NTAQ1: variants seen among roughly 807,000 people sequenced by gnomAD.
NTAQ1 encodes the protein N-terminal glutamine amidase 1.
Under a neutral mutation model 28.2 loss-of-function variants are expected in NTAQ1, and 21 were observed. The ratio of observed to expected loss-of-function variants is 0.74; its 90% CI spans 0.53 to 1.07. The LOEUF (loss-of-function observed/expected upper bound fraction) is 1.07. Ranked by LOEUF, NTAQ1 falls within the 50% of genes least tolerant of loss-of-function variation. The probability of loss-of-function intolerance (pLI) is 0.00; values close to 1 mark genes in which losing one functional copy is unlikely to be tolerated. For synonymous variants in NTAQ1, 105 were observed against 90.0 expected (o/e 1.17, Z -0.94); for missense variants, 264 against 256.6 (o/e 1.03, Z -0.20).
intron 1 of NTAQ1, among the ~76,000 whole-genome samples, chr8:123,427,633 G>A (rs764377420): frequency 6.6e-6 from 1 of 152,136 alleles, no homozygotes; most frequent in Non-Finnish European, 1.5e-5. Flanking sequence ...AAGTTGCTGG[G>A]CCCAAAACTC....
chr8:123,418,020 C>A (rs1813413064), intron 1 of NTAQ1, among the ~76,000 whole-genome samples: 1 of 152,170 alleles, frequency 6.6e-6, no homozygotes, highest in Admixed American at 6.6e-5. Flanking sequence ...AATGTCCAGT[C>A]ATTGTTTTAT....
chr8:123,432,620 A>G (rs1420519173), intron 3 of NTAQ1, among the ~76,000 whole-genome samples: 2 of 151,930 alleles, frequency 1.3e-5, no homozygotes, highest in Admixed American at 6.6e-5. Context: ...GGGCGATACA[A>G]TGAGACTTCA....
chr8:123,445,869 G>A (rs1053684842), downstream of NTAQ1, among the ~76,000 whole-genome samples: 2 of 151,976 alleles, frequency 1.3e-5, no homozygotes, highest in African/African-American at 4.8e-5. Flanking sequence ...GCCTCCCAAA[G>A]TGCTGGGATT....
intron 6 of NTAQ1, among the ~76,000 whole-genome samples, chr8:123,457,274 C>T (rs897432419): frequency 2.0e-5 from 3 of 152,008 alleles, no homozygotes; most frequent in South Asian, 2.1e-4. Context: ...CCCATGTTGA[C>T]GAGGCTGGTC....
At chr8:123,417,851 T>A (rs1460199081) in intron 1 of NTAQ1, among the ~76,000 whole-genome samples, 1 of 152,164 alleles carries the variant, frequency 6.6e-6, no homozygotes, top group Non-Finnish European at 1.5e-5. Context: ...ATAAAAAGAC[T>A]GAGCCACAGA....
intron 5 of NTAQ1, among the ~76,000 whole-genome samples, chr8:123,439,491 C>T (rs1212400041): frequency 6.6e-6 from 1 of 151,806 alleles, no homozygotes; most frequent in African/African-American, 2.4e-5. Flanking sequence ...TACAGGCGCC[C>T]GCCACCACAC....
chr8:123,461,026 G>A (rs1815808816), intron 6 of NTAQ1, among the ~76,000 whole-genome samples: 1 of 152,178 alleles, frequency 6.6e-6, no homozygotes, highest in Non-Finnish European at 1.5e-5. Context: ...GTGTATGGAT[G>A]CTGTCAATCC....
At chr8:123,473,452 C>A (rs182835598), downstream of NTAQ1, among the ~76,000 whole-genome samples, 37 of 152,232 alleles carry the variant, frequency 2.4e-4, no homozygotes, top group Non-Finnish European at 1.5e-5. Flanking sequence ...CATGCCACCA[C>A]ACCTGGCTAA....
chr8:123,456,683 TAAATG>T (rs1815659290), intron 6 of NTAQ1, among the ~76,000 whole-genome samples: 1 of 152,232 alleles, frequency 6.6e-6, no homozygotes, highest in African/African-American at 2.4e-5. Flanking sequence ...AACTGTCACT[TAAATG>T]AGATCCTTTT....
chr8:123,447,873 A>G lies in NTAQ1; in HGVS notation c.*83-174A>G, dbSNP rs561496490. On this transcript the variant is annotated intron_variant, in intron 6 of 6. Transcript: ENST00000524254. ...TTGCTGTCCCTTGTTCTACAGCAAC[A>G]GAGCTGTGACTGGTGTGTGGCTGCT... Among the ~76,000 whole-genome samples, 28 of 152,336 alleles carry G rather than the reference A, an allele frequency of 1.8e-4. No homozygotes were observed. The South Asian group carries it at 5.4e-3, about 29-fold the overall frequency.
chr8:123,457,059 CTA>C (rs1469063709), intron 6 of NTAQ1, among the ~76,000 whole-genome samples: 5 of 152,110 alleles, frequency 3.3e-5, no homozygotes, highest in Non-Finnish European at 7.3e-5. Context: ...AAAAATCTAT[CTA>C]TACATATAGA....
At chr8:123,424,124 G>A (rs1220281601) in intron 1 of NTAQ1, among the ~76,000 whole-genome samples, 1 of 145,874 alleles carries the variant, frequency 6.9e-6, no homozygotes, top group African/African-American at 2.5e-5. Flanking sequence ...CCAGGCTGGA[G>A]TGCAGTGGTG....
At chr8:123,464,522 G>A (rs1485613784) in intron 6 of NTAQ1, among the ~76,000 whole-genome samples, 1 of 152,204 alleles carries the variant, frequency 6.6e-6, no homozygotes, top group East Asian at 1.9e-4. Context: ...GCCAGGCTGT[G>A]CCTCCACTCT....
chr8:123,458,188 G>A (rs1586968382), intron 6 of NTAQ1, among the ~76,000 whole-genome samples: 1 of 137,058 alleles, frequency 7.3e-6, no homozygotes, highest in Non-Finnish European at 1.5e-5. Flanking sequence ...CTCCCACCTT[G>A]GCCTCCCAAA....
chr8:123,465,673 C>T (rs543326672), intron 6 of NTAQ1, among the ~76,000 whole-genome samples: 1 of 147,950 alleles, frequency 6.8e-6, no homozygotes, highest in South Asian at 2.2e-4. Context: ...ACTTTGCCTC[C>T]TGGGTTCAAG....
At chr8:123,427,428 T>A (rs1814129876) in intron 1 of NTAQ1, among the ~76,000 whole-genome samples, 1 of 151,980 alleles carries the variant, frequency 6.6e-6, no homozygotes, top group Non-Finnish European at 1.5e-5. Flanking sequence ...AATTTTAGTA[T>A]TTTTAGTAGA....
downstream of NTAQ1, among the ~76,000 whole-genome samples, chr8:123,443,201 A>C (rs1815144701): frequency 6.7e-6 from 1 of 148,716 alleles, no homozygotes; most frequent in Non-Finnish European, 1.5e-5. Flanking sequence ...TGTATTTTTA[A>C]TAGAGACGGG....
downstream of NTAQ1, among the ~76,000 whole-genome samples, chr8:123,450,296 AC>A (rs1440545674): frequency 6.6e-6 from 1 of 151,528 alleles, no homozygotes; most frequent in African/African-American, 2.4e-5. Flanking sequence ...GACTGGGATG[AC>A]CGTTGGTTTT....
chr8:123,460,156 ATCTT>A (rs1815780043), intron 6 of NTAQ1, among the ~76,000 whole-genome samples: 1 of 152,150 alleles, frequency 6.6e-6, no homozygotes. Context: ...TAAAAAAAAA[ATCTT>A]AAATAGTACC....
Sources: allele counts gnomAD v4.1 joint callset (sites outside exome capture counted in the v4.1 genomes callset), GRCh38; gene constraint gnomAD v4.1.1; transcripts MANE v1.5; gene names NCBI Gene and HGNC (gene_info 2026-07-23, HGNC 2026-07-21).